Variants in PRDM1 observed in about 807,000 individuals in gnomAD.
PRDM1 encodes PR domain zinc finger protein 1.
In PRDM1, 13 loss-of-function variants were observed where a neutral mutation model predicts 62.8. The observed-to-expected ratio is 0.21, with a 90% confidence interval of 0.13 to 0.33. The LOEUF is 0.33. PRDM1 is among the 10% of genes least tolerant of loss of function. The pLI is 1.00. For synonymous variants in PRDM1, 396 were observed against 417.6 expected (o/e 0.95, Z 0.63); for missense variants, 895 against 1,058.8 (o/e 0.85, Z 2.15).
intron 1 of PRDM1, among the ~76,000 whole-genome samples, chr6:106,033,763 A>G (rs1772882708): frequency 6.6e-6 from 1 of 152,004 alleles, no homozygotes; most frequent in South Asian, 2.1e-4. Context: ...TCATACAATG[A>G]GTAAAGAAAT....
intron 2 of PRDM1, among the ~76,000 whole-genome samples, chr6:106,090,438 A>C (rs899527342): frequency 3.9e-5 from 6 of 152,222 alleles, no homozygotes. Context: ...TTTAAACCCT[A>C]ATCATAAAGT....
chr6:106,000,914 G>A (rs1303723384), intron 1 of PRDM1, among the ~76,000 whole-genome samples: 3 of 152,118 alleles, frequency 2.0e-5, no homozygotes, highest in Non-Finnish European at 4.4e-5. Context: ...GAATTGTGGG[G>A]TCACAGGATA....
chr6:106,048,322 G>A (rs968466518), upstream of PRDM1, among the ~76,000 whole-genome samples: 2 of 152,044 alleles, frequency 1.3e-5, no homozygotes, highest in African/African-American at 4.8e-5. Flanking sequence ...AGGAGTCTGA[G>A]GCTGCAGTAA....
At chr6:106,009,359 C>T (rs925625296) in intron 1 of PRDM1, among the ~76,000 whole-genome samples, 3 of 151,968 alleles carry the variant, frequency 2.0e-5, no homozygotes, top group Admixed American at 6.6e-5. Context: ...CCTTTTGGTC[C>T]GGAAAGCTGG....
chr6:106,098,888 C>CTT, intron 3 of PRDM1: 1 of 1,512,144 alleles, frequency 6.6e-7, no homozygotes. Flanking sequence ...CCGGCTTGGT[C>CTT]TTCTACCCAG....
At chr6:106,098,821 G>A in intron 3 of PRDM1, 4 of 1,523,850 alleles carry the variant, frequency 2.6e-6, no homozygotes, top group Non-Finnish European at 3.5e-6. Flanking sequence ...CGGGGGTGTA[G>A]GAAACGGCGA....
Position 106,088,385 on chromosome 6 carries a change from C to T in PRDM1, c.227C>T (p.Ser76Leu), listed in dbSNP as rs375331216. The T allele has an allele frequency of 2.8e-5, 45 of 1,614,014 alleles. No individual in the cohort carries two copies. The highest frequency in any genetic ancestry group is 3.6e-5 in the Non-Finnish European group (43 of 1,180,032). Residue 76 changes from serine to leucine, a missense_variant, in exon 2 of 7, where the codon TCG becomes TTG. Physicochemically the swap from Ser to Leu is moderately radical, Grantham distance 145 (BLOSUM62 -2). This residue lies in a region of PRDM1 where 213 missense variants were observed against 283.9 expected (regional missense o/e 0.75). Coordinates refer to ENST00000369096, the MANE Select transcript of PRDM1 (RefSeq NM_001198.4). ...PWDSGADGGT[S>L]VQAEASLPRN... ...GATTCTGGTGCTGATGGCGGTACTT[C>T]GGTTCAGGCGGAGGCATCCTTACCA...
At chr6:106,066,080 G>A (rs1773429773) in intron 1 of PRDM1, among the ~76,000 whole-genome samples, 1 of 152,170 alleles carries the variant, frequency 6.6e-6, no homozygotes, top group Admixed American at 6.5e-5. Flanking sequence ...GGAGGCCCTT[G>A]GAGAAACAGC....
chr6:106,013,954 A>G (rs1198247316), intron 1 of PRDM1, among the ~76,000 whole-genome samples: 1 of 149,600 alleles, frequency 6.7e-6, no homozygotes, highest in Non-Finnish European at 1.5e-5. Context: ...ATCCTGCTTT[A>G]TTTTATTCCT....
chr6:106,095,070 CAA>C (rs1774075059), intron 2 of PRDM1, among the ~76,000 whole-genome samples: 1 of 150,882 alleles, frequency 6.6e-6, no homozygotes, highest in African/African-American at 2.4e-5. Context: ...CACACACACA[CAA>C]ACCTCATCTG....
At chr6:106,065,006 G>A (rs1012613820) in intron 1 of PRDM1, among the ~76,000 whole-genome samples, 3 of 152,132 alleles carry the variant, frequency 2.0e-5, no homozygotes, top group Non-Finnish European at 2.9e-5. Flanking sequence ...GTGACTAACT[G>A]TGCACAGACT....
intron 2 of PRDM1, among the ~76,000 whole-genome samples, chr6:106,094,144 G>T (rs1014661800): frequency 6.6e-6 from 1 of 152,158 alleles, no homozygotes; most frequent in African/African-American, 2.4e-5. Context: ...TCTGTGCATG[G>T]ATCGATTCAC....
upstream of PRDM1, among the ~76,000 whole-genome samples, chr6:106,084,422 A>C (rs1226834257): frequency 6.6e-6 from 1 of 152,238 alleles, no homozygotes; most frequent in East Asian, 1.9e-4. Flanking sequence ...ATTCACTGGC[A>C]TCTTCCAGTC....
At chr6:106,103,690 T>C (rs1488016500) in intron 4 of PRDM1, among the ~76,000 whole-genome samples, 1 of 152,200 alleles carries the variant, frequency 6.6e-6, no homozygotes, top group Non-Finnish European at 1.5e-5. Flanking sequence ...GTGGCAGGGA[T>C]AGTCTAGAAC....
Position 106,098,449 on chromosome 6 carries a change from G to A in PRDM1, c.412-851G>A, listed in dbSNP as rs1248231045. 33 of 985,172 alleles carry A rather than the reference G, an allele frequency of 3.3e-5. No individual in the cohort carries two copies. The East Asian group carries it at 4.5e-4, about 14-fold the overall frequency. The allele number at this position is 985,172 out of a possible 1,614,324, so 61.0% of individuals were successfully genotyped here. On this transcript the variant is annotated intron_variant, in intron 3 of 6. Coordinates refer to ENST00000369096, the MANE Select transcript of PRDM1 (RefSeq NM_001198.4). The stretch of plus-strand genomic sequence containing the variant: ...ACAAACTTCAAATTCTTCATTCTGC[G>A]TTGCCTTTAAGGAACAACATACTTT...
intron 3 of PRDM1, chr6:106,098,544 G>A: frequency 7.8e-7 from 1 of 1,277,008 alleles, no homozygotes; most frequent in South Asian, 1.3e-5. Context: ...CCTCCTCCCA[G>A]ATAAGGGGTT....
chr6:106,000,255 G>A (rs1772411772), intron 1 of PRDM1, among the ~76,000 whole-genome samples: 1 of 152,170 alleles, frequency 6.6e-6, no homozygotes, highest in Non-Finnish European at 1.5e-5. Flanking sequence ...ACATTTCAAA[G>A]CTATCTTTAA....
At chr6:106,010,930 C>G (rs1304253606) in intron 1 of PRDM1, among the ~76,000 whole-genome samples, 2 of 152,046 alleles carry the variant, frequency 1.3e-5, no homozygotes, top group African/African-American at 4.8e-5. Flanking sequence ...TTTAAAAGAC[C>G]AGGGCAAAGC....
In PRDM1 at chr6:106,107,530, G is replaced by A; in HGVS notation, c.*44G>A. 1 of 1,502,050 alleles carries A rather than the reference G, an allele frequency of 6.7e-7. No homozygotes were observed. Among genetic ancestry groups the A allele is most frequent in the Non-Finnish European group, 9.0e-7 (1 of 1,111,926 alleles). The allele number at this position is 1,502,050 out of a possible 1,614,324, so 93.0% of individuals were successfully genotyped here. A position where few individuals can be genotyped will look rare whatever the true frequency, so the allele number is the denominator to read the frequency against. Reference sequence around the variant, plus strand: ...ATTTTGTTTCTTAAGTTATGACTTGGTGAGTCAGGGTGCCTGTAGGAAGTG... The same window carrying A: ...ATTTTGTTTCTTAAGTTATGACTTGATGAGTCAGGGTGCCTGTAGGAAGTG... On this transcript the variant is annotated 3_prime_UTR_variant, in exon 7 of 7. Coordinates refer to ENST00000369096, the MANE Select transcript of PRDM1 (RefSeq NM_001198.4).
Sources: allele counts gnomAD v4.1 joint callset (sites outside exome capture counted in the v4.1 genomes callset), GRCh38; gene constraint gnomAD v4.1.1; regional missense constraint gnomAD v4.1.1; transcripts MANE v1.5; gene names NCBI Gene and HGNC (gene_info 2026-07-23, HGNC 2026-07-21).